CSRNP3: variants seen among roughly 807,000 people sequenced by gnomAD.
CSRNP3 encodes cysteine and serine rich nuclear protein 3.
Under a neutral mutation model 48.0 loss-of-function variants are expected in CSRNP3, and 12 were observed. The observed-to-expected ratio is 0.25, with a 90% confidence interval of 0.16 to 0.41. CSRNP3 has a LOEUF of 0.41. Among genes scored for constraint, CSRNP3 ranks in the 10% least tolerant of loss-of-function variants. The probability of loss-of-function intolerance (pLI) is 1.00; values close to 1 mark genes in which losing one functional copy is unlikely to be tolerated. For synonymous variants in CSRNP3, 263 were observed against 269.7 expected, an observed-to-expected ratio of 0.98 and a Z score of 0.24; for missense variants, 580 against 724.4, an observed-to-expected ratio of 0.80 and a Z score of 2.29.
chr2:165,666,869 AAG>A (rs141944821), intron 5 of CSRNP3, among the ~76,000 whole-genome samples: 8 of 106,670 alleles, frequency 7.5e-5, no homozygotes, highest in African/African-American at 1.9e-4. Context: ...GAGAGTAAGA[AAG>A]AGAGAGAGGA....
intron 3 of CSRNP3, among the ~76,000 whole-genome samples, chr2:165,520,707 TA>T (rs1684639443): frequency 7.3e-6 from 1 of 137,456 alleles, no homozygotes; most frequent in Admixed American, 7.2e-5. Flanking sequence ...TCTATCTATC[TA>T]TCTGTCTATC....
intron 1 of CSRNP3, among the ~76,000 whole-genome samples, chr2:165,471,000 TTTTA>T (rs1393483505): frequency 6.6e-6 from 1 of 151,786 alleles, no homozygotes; most frequent in Non-Finnish European, 1.5e-5. Flanking sequence ...TTTCAAATTT[TTTTA>T]TTTATTGTAC....
chr2:165,598,834 T>C (rs1685852988), intron 4 of CSRNP3, among the ~76,000 whole-genome samples: 1 of 152,200 alleles, frequency 6.6e-6, no homozygotes, highest in Non-Finnish European at 1.5e-5. Context: ...AGTGCCCTTT[T>C]AATTTAATAG....
chr2:165,613,759 T>A (rs1010132519), intron 4 of CSRNP3, among the ~76,000 whole-genome samples: 7 of 152,344 alleles, frequency 4.6e-5, no homozygotes, highest in African/African-American at 1.7e-4. Flanking sequence ...GTGGTCTATG[T>A]GTGTGTTTTG....
chr2:165,485,977 G>T (rs1203425036), intron 1 of CSRNP3, among the ~76,000 whole-genome samples: 1 of 152,192 alleles, frequency 6.6e-6, no homozygotes, highest in African/African-American at 2.4e-5. Context: ...CTGGTCTACA[G>T]CTCCCAGCGT....
At chr2:165,514,951 T>C (rs1440965022) in intron 2 of CSRNP3, among the ~76,000 whole-genome samples, 1 of 152,232 alleles carries the variant, frequency 6.6e-6, no homozygotes, top group African/African-American at 2.4e-5. Flanking sequence ...TCCTTGACTT[T>C]CAAACAGGTT....
intron 2 of CSRNP3, among the ~76,000 whole-genome samples, chr2:165,516,158 T>C (rs1010079432): frequency 1.3e-5 from 2 of 152,040 alleles, no homozygotes; most frequent in African/African-American, 4.8e-5. Flanking sequence ...CAAACAGAGA[T>C]CTGTTTGTAT....
chr2:165,536,478 A>G (rs1464034982), intron 3 of CSRNP3, among the ~76,000 whole-genome samples: 3 of 151,976 alleles, frequency 2.0e-5, no homozygotes, highest in Non-Finnish European at 4.4e-5. Context: ...CTCAATGACA[A>G]CATAAAAACC....
intron 5 of CSRNP3, among the ~76,000 whole-genome samples, chr2:165,658,613 G>C (rs550579241): frequency 6.6e-6 from 1 of 152,244 alleles, no homozygotes; most frequent in South Asian, 2.1e-4. Context: ...CCGGGACTAG[G>C]TAATTTATAA....
intron 1 of CSRNP3, among the ~76,000 whole-genome samples, chr2:165,489,850 G>T (rs1271619078): frequency 8.0e-6 from 1 of 125,482 alleles, no homozygotes; most frequent in Non-Finnish European, 1.7e-5. Context: ...CATACTGAAT[G>T]GGCAAAAACT....
intron 3 of CSRNP3, among the ~76,000 whole-genome samples, chr2:165,542,447 T>A (rs868414377): frequency 1.3e-5 from 2 of 152,116 alleles, no homozygotes; most frequent in African/African-American, 4.8e-5. Flanking sequence ...CATAAACATA[T>A]AATAAACAAA....
intron 3 of CSRNP3, among the ~76,000 whole-genome samples, chr2:165,538,989 T>C (rs1022280434): frequency 3.3e-5 from 5 of 151,984 alleles, no homozygotes; most frequent in African/African-American, 1.2e-4. Context: ...CGATATCTCA[T>C]GCTACAGGAA....
chr2:165,532,906 T>C (rs1210441220), intron 3 of CSRNP3, among the ~76,000 whole-genome samples: 5 of 152,140 alleles, frequency 3.3e-5, no homozygotes, highest in Admixed American at 2.6e-4. Context: ...AGCATTCTTA[T>C]ACACCAATAA....
chr2:165,645,984 A>T (rs1686805569), intron 4 of CSRNP3, among the ~76,000 whole-genome samples: 1 of 151,916 alleles, frequency 6.6e-6, no homozygotes, highest in Non-Finnish European at 1.5e-5. Flanking sequence ...AACTCAAGTG[A>T]TCCACCTGCA....
chr2:165,535,667 A>G (rs942981193), intron 3 of CSRNP3, among the ~76,000 whole-genome samples: 6 of 151,828 alleles, frequency 4.0e-5, no homozygotes, highest in Non-Finnish European at 4.4e-5. Context: ...ATGAGAGAGA[A>G]TAAAAATCTT....
intron 4 of CSRNP3, among the ~76,000 whole-genome samples, chr2:165,613,651 G>T (rs912040346): frequency 6.6e-5 from 10 of 152,100 alleles, no homozygotes; most frequent in African/African-American, 2.4e-4. Flanking sequence ...TTATTGAAAA[G>T]ACTTATCCTT....
intron 5 of CSRNP3, among the ~76,000 whole-genome samples, chr2:165,659,030 T>C (rs1687055040): frequency 6.6e-6 from 1 of 152,194 alleles, no homozygotes; most frequent in African/African-American, 2.4e-5. Flanking sequence ...TGAGGCTTTG[T>C]AAACCATATT....
chr2:165,550,160 T>C (rs1478689301), intron 3 of CSRNP3, among the ~76,000 whole-genome samples: 1 of 152,130 alleles, frequency 6.6e-6, no homozygotes, highest in East Asian at 1.9e-4. Context: ...ACAAGGACAT[T>C]AATAAAAAAT....
At chr2:165,502,636 C>A (rs1346327773) in intron 2 of CSRNP3, among the ~76,000 whole-genome samples, 2 of 151,862 alleles carry the variant, frequency 1.3e-5, no homozygotes. Flanking sequence ...TGCATATTTC[C>A]TCAACACCTT....
Sources: gnomAD v4.1 joint callset for allele counts (sites outside exome capture counted in the v4.1 genomes callset) on GRCh38, gnomAD v4.1.1 for gene constraint, MANE v1.5 for transcripts, NCBI Gene and HGNC (gene_info 2026-07-23, HGNC 2026-07-21) for gene names.